The following UNC5D variants were observed in gnomAD, a reference collection of about 807,000 sequenced individuals.
UNC5D encodes the protein netrin receptor UNC5D.
Under a neutral mutation model 105.4 loss-of-function variants are expected in UNC5D, and 39 were observed. The ratio of observed to expected loss-of-function variants is 0.37; its 90% CI spans 0.29 to 0.48. UNC5D has a LOEUF of 0.48. UNC5D is among the 20% of genes least tolerant of loss of function. The pLI is 0.98. For synonymous variants in UNC5D, 452 were observed against 450.4 expected (o/e 1.00, Z -0.04); for missense variants, 991 against 1,202.4 (o/e 0.82, Z 2.60).
At chr8:35,419,581 G>T (rs1225929105) in intron 1 of UNC5D, among the ~76,000 whole-genome samples, 1 of 152,192 alleles carries the variant, frequency 6.6e-6, no homozygotes, top group Non-Finnish European at 1.5e-5. Context: ...CCCAAGGGCT[G>T]TTACAGCTCT....
At chr8:35,756,963 G>C (rs1320234096) in intron 13 of UNC5D, among the ~76,000 whole-genome samples, 1 of 152,062 alleles carries the variant, frequency 6.6e-6, no homozygotes, top group East Asian at 1.9e-4. Context: ...GTTATACTAT[G>C]GCTTTAATAT....
At chr8:35,767,144 T>G in intron 15 of UNC5D, 78 bp downstream of exon 15, 2 of 1,465,030 alleles carry the variant, frequency 1.4e-6, no homozygotes, top group Non-Finnish European at 1.8e-6. Context: ...CTACCAGCCG[T>G]GCTATTCAGG....
Position 35,657,102 on chromosome 8 carries a change from A to G in UNC5D, c.571-26445A>G, listed in dbSNP as rs1293547980. On this transcript the variant is annotated intron_variant, in intron 4 of 16. Transcript: ENST00000404895. The stretch of plus-strand genomic sequence containing the variant: ...TGTGTATATATATATATATATATAT[A>G]TATATATATATATATATATATGCCA... 4.7e-4 allele frequency among the ~76,000 whole-genome samples: 55 copies of G among 115,912 alleles called. 1 individual carries two copies. The South Asian group carries it at 0.01, about 22-fold the overall frequency. The allele number at this position is 115,912 out of a possible 152,430, so 76.0% of individuals were successfully genotyped here.
chr8:35,351,485 A>G (rs1309308867), intron 1 of UNC5D, among the ~76,000 whole-genome samples: 2 of 152,086 alleles, frequency 1.3e-5, no homozygotes, highest in Non-Finnish European at 2.9e-5. Context: ...GTATTATGGA[A>G]AGGCGTACCA....
At chr8:35,333,964 G>A (rs1810830719) in intron 1 of UNC5D, among the ~76,000 whole-genome samples, 1 of 152,118 alleles carries the variant, frequency 6.6e-6, no homozygotes, top group African/African-American at 2.4e-5. Context: ...TACTCTAAGT[G>A]AATAAACTAT....
chr8:35,450,512 A>C (rs1214306326), intron 1 of UNC5D, among the ~76,000 whole-genome samples: 1 of 152,204 alleles, frequency 6.6e-6, no homozygotes, highest in East Asian at 1.9e-4. Flanking sequence ...TCGAATGAAC[A>C]AAATAATGCT....
chr8:35,363,508 T>C (rs1801957219), intron 1 of UNC5D, among the ~76,000 whole-genome samples: 1 of 152,162 alleles, frequency 6.6e-6, no homozygotes, highest in African/African-American at 2.4e-5. Flanking sequence ...ATAAGCTATA[T>C]GTCCACTTGG....
chr8:35,281,633 A>G (rs1806175204), intron 1 of UNC5D, among the ~76,000 whole-genome samples: 1 of 152,036 alleles, frequency 6.6e-6, no homozygotes, highest in Admixed American at 6.6e-5. Flanking sequence ...TAGCATTGCT[A>G]TGCTACCTTC....
intron 4 of UNC5D, among the ~76,000 whole-genome samples, chr8:35,600,747 G>A (rs1819814551): frequency 6.6e-6 from 1 of 152,148 alleles, no homozygotes; most frequent in South Asian, 2.1e-4. Flanking sequence ...CATTCTGTAG[G>A]TTGCCTGTTC....
rs1294742011 is a variant in UNC5D, at chr8:35,513,388, C to A, written c.104-35904C>A. On this transcript the variant is annotated intron_variant, in intron 1 of 16. Coordinates refer to ENST00000404895, the MANE Select transcript of UNC5D (RefSeq NM_080872.4). The stretch of plus-strand genomic sequence containing the variant: ...GGATTACAGGCACGTGCCACCATGC[C>A]TGGCTGATTTTTTTGCATTTAGTAG... Among the ~76,000 whole-genome samples the A allele has an allele frequency of 3.3e-5, 5 of 152,060 alleles. No individual in the cohort carries two copies. The East Asian group carries it at 9.7e-4, about 30-fold the overall frequency.
At chr8:35,459,082 A>G (rs16883938) in intron 1 of UNC5D, among the ~76,000 whole-genome samples, 4,486 of 152,238 alleles carry the variant, frequency 0.029, 233 homozygotes, top group African/African-American at 0.1. Context: ...CTGGTTGGTT[A>G]TCTCCATTGA....
intron 4 of UNC5D, among the ~76,000 whole-genome samples, chr8:35,613,065 G>A (rs552590870): frequency 4.5e-4 from 69 of 152,112 alleles, no homozygotes; most frequent in African/African-American, 1.5e-3. Context: ...CCTCACCCAC[G>A]TCTCATGGTT....
chr8:35,306,304 G>A (rs983292788), intron 1 of UNC5D, among the ~76,000 whole-genome samples: 23 of 152,068 alleles, frequency 1.5e-4, no homozygotes, highest in African/African-American at 4.3e-4. Context: ...AATATCCACT[G>A]AGGTTTTTTT....
At chr8:35,659,712 A>G (rs950809088) in intron 4 of UNC5D, among the ~76,000 whole-genome samples, 1 of 152,248 alleles carries the variant, frequency 6.6e-6, no homozygotes, top group Non-Finnish European at 1.5e-5. Flanking sequence ...CTCCACAGCA[A>G]GTGCGTGTTC....
chr8:35,394,941 C>T (rs936487225), intron 1 of UNC5D, among the ~76,000 whole-genome samples: 30 of 152,104 alleles, frequency 2.0e-4, no homozygotes, highest in African/African-American at 7.0e-4. Context: ...AGCAGAGTGC[C>T]CAGTGCTTGA....
chr8:35,631,345 T>C (rs1467915657), intron 4 of UNC5D, among the ~76,000 whole-genome samples: 1 of 151,938 alleles, frequency 6.6e-6, no homozygotes, highest in Non-Finnish European at 1.5e-5. Flanking sequence ...GCCTGACTGC[T>C]TTGTTTTATA....
intron 7 of UNC5D, among the ~76,000 whole-genome samples, chr8:35,701,183 G>T (rs1383076926): frequency 6.6e-6 from 1 of 152,174 alleles, no homozygotes. Flanking sequence ...GCCCCACTGG[G>T]TATTTAGTCT....
intron 1 of UNC5D, among the ~76,000 whole-genome samples, chr8:35,472,463 G>A (rs1331822592): frequency 6.6e-6 from 1 of 152,086 alleles, no homozygotes; most frequent in African/African-American, 2.4e-5. Flanking sequence ...AGAAAAATGT[G>A]AGGCTTTTGA....
intron 1 of UNC5D, among the ~76,000 whole-genome samples, chr8:35,321,190 C>T (rs938415861): frequency 6.6e-6 from 1 of 152,124 alleles, no homozygotes; most frequent in African/African-American, 2.4e-5. Context: ...AGGTTTTACA[C>T]ACACACATTT....
Sources: allele counts gnomAD v4.1 joint callset (sites outside exome capture counted in the v4.1 genomes callset), GRCh38; gene constraint gnomAD v4.1.1; transcripts MANE v1.5; gene names NCBI Gene and HGNC (gene_info 2026-07-23, HGNC 2026-07-21).